The following SPAST variants were observed in gnomAD, a reference collection of about 807,000 sequenced individuals.
The protein encoded by SPAST is spastic paraplegia 4 (autosomal dominant; spastin).
SPAST carries 30 observed loss-of-function variants against 76.6 expected under a neutral mutation model. The observed-to-expected ratio is 0.39, with a 90% CI of 0.29 to 0.53. The LOEUF is 0.53. Ranked by LOEUF, SPAST falls within the 20% of genes least tolerant of loss-of-function variation. SPAST has a pLI of 0.68. For missense variants in SPAST, 717 were observed against 770.5 expected (o/e 0.93, Z 0.82); for synonymous variants, 305 against 281.0 (o/e 1.09, Z -0.86).
At chr2:32,068,472 C>G (rs1676615897) in intron 1 of SPAST, among the ~76,000 whole-genome samples, 1 of 151,944 alleles carries the variant, frequency 6.6e-6, no homozygotes, top group Non-Finnish European at 1.5e-5. Context: ...CAGGCATGTG[C>G]CACCCCACAC....
At position 32,064,039 on chromosome 2, in the gene SPAST, C is replaced by T. The variant is rs1422024147; in HGVS notation, c.208C>T (p.His70Tyr). 4 of 1,613,412 alleles carry T rather than the reference C, an allele frequency of 2.5e-6. No homozygotes were observed. The South Asian group carries it at 4.4e-5, about 18-fold the overall frequency. Reference sequence around the variant, plus strand: ...CGCGCTGCTGCGTTTGGTCGCCTTCCACCTGGGGCTCCTCTTCGTGTGGCT... The same window carrying T: ...CGCGCTGCTGCGTTTGGTCGCCTTCTACCTGGGGCTCCTCTTCGTGTGGCT... ...GFALLRLVAF[H>Y]LGLLFVWLCQ... The change falls in exon 1 of 17, where the codon CAC becomes TAC. Residue 70 changes from histidine to tyrosine, a missense_variant. Around this residue, in one of 3 missense-constraint regions of SPAST, gnomAD observed 543 missense variants for 445.2 expected, o/e 1.22. Coordinates refer to ENST00000315285, the MANE Select transcript of SPAST (RefSeq NM_014946.4).
chr2:32,135,390 A>C (rs976744044), intron 9 of SPAST, among the ~76,000 whole-genome samples: 1 of 151,934 alleles, frequency 6.6e-6, no homozygotes, highest in African/African-American at 2.4e-5. Flanking sequence ...CAGCCTCCCA[A>C]AGTGCTGGGA....
At chr2:32,139,024 C>A (rs11683760) in intron 12 of SPAST, among the ~76,000 whole-genome samples, 8 of 151,884 alleles carry the variant, frequency 5.3e-5, no homozygotes, top group Admixed American at 5.2e-4. Flanking sequence ...GTTTGTGTGT[C>A]TGTTTTTATA....
chr2:32,125,940 A>G (rs35641550), intron 7 of SPAST, among the ~76,000 whole-genome samples: 54,334 of 151,796 alleles, frequency 0.36, 10,065 homozygotes, highest in East Asian at 0.64. Flanking sequence ...GACGACAGGC[A>G]CCCGCCACCA....
At chr2:32,093,310 C>CAAAAAAAAA (rs34291087) in intron 3 of SPAST, among the ~76,000 whole-genome samples, 1 of 62,174 alleles carries the variant, frequency 1.6e-5, no homozygotes. Flanking sequence ...GACTCCGTCT[C>CAAAAAAAAA]AAAAAAAAAA....
Position 32,143,367 on chromosome 2 carries a change from G to A in SPAST, c.1568G>A (p.Cys523Tyr). The A allele has an allele frequency of 1.9e-6, 3 of 1,607,794 alleles. No individual in the cohort carries two copies. Among genetic ancestry groups the A allele is most frequent in the Non-Finnish European group, 2.6e-6 (3 of 1,174,910 alleles). Residue 523 changes from cysteine to tyrosine, a missense_variant, in exon 14 of 17, where the codon TGT (cysteine) becomes TAT (tyrosine). Cys to Tyr is a radical substitution (Grantham distance 194, BLOSUM62 -2). Transcript: ENST00000315285. ...CTACTTTTGCTTAAAAATCTGTTAT[G>A]TAAACAAGGAAGTCCATTGACCCAA... ...TRLLLLKNLL[C>Y]KQGSPLTQKE...
chr2:32,106,701 G>T (rs1279297445), intron 4 of SPAST, among the ~76,000 whole-genome samples: 1 of 152,176 alleles, frequency 6.6e-6, no homozygotes, highest in Non-Finnish European at 1.5e-5. Context: ...TCTTTCCCTT[G>T]TGGCTTCACA....
chr2:32,115,519 G>A (rs960502178), intron 5 of SPAST, among the ~76,000 whole-genome samples, 183 bp from the exon 6 acceptor site: 3 of 151,978 alleles, frequency 2.0e-5, no homozygotes, highest in Non-Finnish European at 2.9e-5. Flanking sequence ...CTGACTTAAT[G>A]CCAAATATAG....
intron 4 of SPAST, among the ~76,000 whole-genome samples, chr2:32,108,040 T>G (rs1379856137): frequency 1.3e-5 from 2 of 152,102 alleles, no homozygotes; most frequent in African/African-American, 4.8e-5. Flanking sequence ...AGTATAACCC[T>G]TACTCAAGAA....
At chr2:32,077,362 A>T (rs1249807914) in intron 1 of SPAST, among the ~76,000 whole-genome samples, 1 of 152,202 alleles carries the variant, frequency 6.6e-6, no homozygotes, top group Non-Finnish European at 1.5e-5. Flanking sequence ...AGGAACATAC[A>T]ACTGTGCACA....
At chr2:32,131,128 C>T (rs1679356983) in intron 9 of SPAST, among the ~76,000 whole-genome samples, 1 of 152,142 alleles carries the variant, frequency 6.6e-6, no homozygotes, top group South Asian at 2.1e-4. Context: ...ACTCCCTCTT[C>T]CTTAGGCAGT....
intron 4 of SPAST, among the ~76,000 whole-genome samples, chr2:32,110,572 T>C (rs1678527263): frequency 7.9e-6 from 1 of 127,358 alleles, no homozygotes; most frequent in East Asian, 2.1e-4. Flanking sequence ...GTATATATAG[T>C]ATATATATAG....
Position 32,089,377 on chromosome 2 carries a change from T to G in SPAST, c.503-145T>G, listed in dbSNP as rs1677620925. 5 of 573,670 alleles carry G rather than the reference T, an allele frequency of 8.7e-6. No homozygotes were observed. The South Asian group carries it at 9.9e-5, about 11-fold the overall frequency. The allele number at this position is 573,670 out of a possible 1,614,324, so 35.5% of individuals were successfully genotyped here. A position where few individuals can be genotyped will look rare whatever the true frequency, so the allele number is the denominator to read the frequency against. Reference sequence around the variant, plus strand: ...TAAAATTTCTTCTGTTTTCTTTCTTTTGGGTATACATTTTCTTCTTTTTTT... The same window carrying G: ...TAAAATTTCTTCTGTTTTCTTTCTTGTGGGTATACATTTTCTTCTTTTTTT... On this transcript the variant is annotated intron_variant, in intron 2 of 16. Transcript: ENST00000315285.
At chr2:32,131,305 C>T (rs566891910) in intron 9 of SPAST, among the ~76,000 whole-genome samples, 7 of 152,282 alleles carry the variant, frequency 4.6e-5, no homozygotes, top group African/African-American at 1.7e-4. Context: ...TATTATTCTC[C>T]TAGCACCACT....
chr2:32,083,562 C>T (rs1677322226), intron 1 of SPAST, among the ~76,000 whole-genome samples: 1 of 149,962 alleles, frequency 6.7e-6, no homozygotes, highest in African/African-American at 2.4e-5. Flanking sequence ...ATTTGTACTT[C>T]CCTAACAACT....
intron 8 of SPAST, chr2:32,127,351 C>G: frequency 8.9e-6 from 3 of 337,612 alleles, no homozygotes; most frequent in Non-Finnish European, 1.7e-5. Flanking sequence ...CTCCTGACCT[C>G]AAGCAGTCCT....
chr2:32,064,292 C>T, intron 1 of SPAST, 46 bp downstream of exon 1: 2 of 284,178 alleles, frequency 7.0e-6, no homozygotes, highest in Non-Finnish European at 1.3e-5. Flanking sequence ...GGGAAGAAGG[C>T]GGTGGGGTCG....
intron 1 of SPAST, among the ~76,000 whole-genome samples, chr2:32,076,762 A>G (rs558228586): frequency 1.4e-3 from 208 of 151,996 alleles, no homozygotes; most frequent in Non-Finnish European, 1.2e-3. Context: ...ATTTCATTAT[A>G]TGTTGCCTAG....
chr2:32,064,292 CG>C (rs1558606406), intron 1 of SPAST, 46 bp downstream of exon 1: 5 of 284,178 alleles, frequency 1.8e-5, no homozygotes, highest in Non-Finnish European at 3.1e-5. Flanking sequence ...GGGAAGAAGG[CG>C]GTGGGGTCGC....
Sources: gnomAD v4.1 joint callset for allele counts (sites outside exome capture counted in the v4.1 genomes callset) on GRCh38, gnomAD v4.1.1 for gene constraint, gnomAD v4.1.1 regional missense constraint, MANE v1.5 for transcripts, NCBI Gene and HGNC (gene_info 2026-07-23, HGNC 2026-07-21) for gene names.